Variants in CXXC4 observed in about 807,000 individuals in gnomAD.
The protein encoded by CXXC4 is CXXC-type zinc finger protein 4.
A neutral mutation model predicts 20.5 loss-of-function variants in CXXC4; 5 were observed. The observed-to-expected ratio is 0.24, with a 90% CI of 0.13 to 0.51. The LOEUF (loss-of-function observed/expected upper bound fraction) is 0.51, where lower values mean the gene tolerates loss of function less well. Among genes scored for constraint, CXXC4 ranks in the 20% least tolerant of loss-of-function variants. CXXC4 has a pLI of 0.97. For missense variants in CXXC4, 419 were observed against 496.4 expected (o/e 0.84, Z 1.48); for synonymous variants, 250 against 216.4 (o/e 1.16, Z -1.36).
Position 104,491,623 on chromosome 4 carries a change from C to A in CXXC4, c.180G>T (p.Ala60=), listed in dbSNP as rs1329888494. The change falls in exon 2 of 3, where the codon GCG becomes GCT. Residue 60 remains alanine, a synonymous_variant. Coordinates refer to ENST00000394767, the MANE Select transcript of CXXC4 (RefSeq NM_025212.4). Reference sequence around the variant, plus strand: ...GGGTGGTGATGCGCGCGATCTTGGCCGCCTGTGGGAAGGCGCCCCCGTTGG... The same window carrying A: ...GGGTGGTGATGCGCGCGATCTTGGCAGCCTGTGGGAAGGCGCCCCCGTTGG... The part of the protein sequence containing the change: ...YKTNGGAFPQ[A]AKIARITTPI... 3.2e-6 allele frequency: 5 copies of A among 1,543,242 alleles called. No homozygotes were observed. The South Asian group carries it at 4.8e-5, about 15-fold the overall frequency.
At chr4:104,477,324 C>G (rs766519160) in intron 2 of CXXC4, among the ~76,000 whole-genome samples, 2 of 151,844 alleles carry the variant, frequency 1.3e-5, no homozygotes, top group Non-Finnish European at 2.9e-5. Context: ...ACGAAGAATG[C>G]TAAAACATTG....
chr4:104,484,938 C>T (rs948864896), intron 2 of CXXC4, among the ~76,000 whole-genome samples: 2 of 151,854 alleles, frequency 1.3e-5, no homozygotes, highest in African/African-American at 2.4e-5. Flanking sequence ...ACCCTTATGC[C>T]CCTCCCCCAA....
At chr4:104,475,282 C>T (rs1186560069) in intron 2 of CXXC4, 1 of 151,894 alleles carries the variant, frequency 6.6e-6, no homozygotes, top group African/African-American at 2.4e-5. Flanking sequence ...GGGAAATCAC[C>T]AAATAAAATA....
rs569406089 is a variant in CXXC4 at position 104,478,696 on chromosome 4, G to A, written c.1060-6330C>T. 2.0e-4 allele frequency among the ~76,000 whole-genome samples: 30 copies of A among 152,010 alleles called. No individual in the cohort carries two copies. The South Asian group carries it at 5.8e-3, about 29-fold the overall frequency. ...CCCATATAAAAATAAAACATAGTAC[G>A]GTGGTACCATGGTAAGCAGAAAGAG... On this transcript the variant is annotated intron_variant, in intron 2 of 2. Transcript: ENST00000394767.
At position 104,471,304 on chromosome 4, in the gene CXXC4, T is replaced by G. The variant is rs907775472; in HGVS notation, c.*1018A>C. On this transcript the variant is annotated 3_prime_UTR_variant, in exon 3 of 3. Transcript: ENST00000394767. The stretch of plus-strand genomic sequence containing the variant: ...GGTAGTTTTTATTAAGATTTTTTCC[T>G]ACAGAAAAAATAAGAAAAAAATTAA... 1 of 151,874 alleles carries G rather than the reference T, an allele frequency of 6.6e-6. No homozygotes were observed. The highest frequency in any genetic ancestry group is 6.6e-5 in the Admixed American group (1 of 15,202). The allele number at this position is 151,874 out of a possible 1,614,324, so 9.4% of individuals were successfully genotyped here.
At chr4:104,482,073 T>C (rs1332564356) in intron 2 of CXXC4, among the ~76,000 whole-genome samples, 1 of 152,204 alleles carries the variant, frequency 6.6e-6, no homozygotes, top group Admixed American at 6.5e-5. Context: ...TTTCTTTAAG[T>C]GTACATAACT....
intron 2 of CXXC4, among the ~76,000 whole-genome samples, chr4:104,476,489 T>C (rs145777552): frequency 3.3e-5 from 5 of 152,304 alleles, no homozygotes; most frequent in African/African-American, 1.2e-4. Flanking sequence ...CATATCTAAG[T>C]ACAGTGTGTA....
At chr4:104,493,854 T>G (rs1007093895) in intron 1 of CXXC4, among the ~76,000 whole-genome samples, 4 of 152,228 alleles carry the variant, frequency 2.6e-5, no homozygotes, top group African/African-American at 9.6e-5. Flanking sequence ...TAACTGCTAC[T>G]CAGTAAAAAC....
intron 2 of CXXC4, among the ~76,000 whole-genome samples, chr4:104,474,376 T>A (rs1419844198): frequency 6.6e-6 from 1 of 152,052 alleles, no homozygotes; most frequent in East Asian, 1.9e-4. Flanking sequence ...ACACATTGAT[T>A]ACATTAATTT....
chr4:104,491,974 T>A lies in CXXC4; in HGVS notation c.-172A>T, dbSNP rs998000139. 8.9e-5 allele frequency: 37 copies of A among 416,838 alleles called. No individual in the cohort carries two copies. In the South Asian group the frequency reaches 2.0e-3, roughly 23 times the overall value. 25.8% of individuals were successfully genotyped at this position (416,838 alleles called of 1,614,324 possible). On this transcript the variant is annotated 5_prime_UTR_variant, in exon 2 of 3. Transcript: ENST00000394767. ...CGGGTGGGGAGAGCAAGGTGAGGGC[T>A]GCTTTATTCCTCTCTGGGGCTCATT...
intron 1 of CXXC4, among the ~76,000 whole-genome samples, chr4:104,493,736 G>A (rs1297858655): frequency 1.3e-5 from 2 of 152,158 alleles, no homozygotes; most frequent in Non-Finnish European, 2.9e-5. Flanking sequence ...CCCCCAAAAT[G>A]CTCTTGGCTA....
chr4:104,478,672 C>T (rs1400107096), intron 2 of CXXC4, among the ~76,000 whole-genome samples: 1 of 151,458 alleles, frequency 6.6e-6, no homozygotes, highest in East Asian at 1.9e-4. Context: ...ATGTTCTTAC[C>T]CATATAAAAA....
intron 2 of CXXC4, 51 bp from the exon 3 acceptor site, chr4:104,472,417 T>C (rs1736299418): frequency 8.7e-6 from 12 of 1,383,338 alleles, no homozygotes; most frequent in Non-Finnish European, 1.0e-5. Flanking sequence ...TATGCCAATA[T>C]AAAATTAGAT....
rs1560544374 is a variant in CXXC4 at position 104,491,171 on chromosome 4, C to G, written c.632G>C (p.Gly211Ala). The G allele has an allele frequency of 1.2e-6, 2 of 1,613,924 alleles. No individual in the cohort carries two copies. The highest frequency in any genetic ancestry group is 4.5e-5 in the East Asian group (2 of 44,822). ...LSPEHCRPLAGECMNKLKCGA... is the reference protein window; with the variant it reads ...LSPEHCRPLAAECMNKLKCGA... ...GCATTTGAGCTTGTTCATGCATTCCCCCGCCAAAGGTCTGCAGTGTTCAGG... is the reference window on the plus strand; with the variant it reads ...GCATTTGAGCTTGTTCATGCATTCCGCCGCCAAAGGTCTGCAGTGTTCAGG... Residue 211 changes from glycine to alanine, a missense_variant, in exon 2 of 3, where the codon GGG (glycine) becomes GCG (alanine). Physicochemically the swap from Gly to Ala is moderately conservative, Grantham distance 60. This residue lies in a region of CXXC4 where 388 missense variants were observed against 416.0 expected (regional missense o/e 0.93). Coordinates refer to ENST00000394767, the MANE Select transcript of CXXC4 (RefSeq NM_025212.4).
intron 2 of CXXC4, among the ~76,000 whole-genome samples, chr4:104,485,943 G>T (rs189299891): frequency 6.6e-6 from 1 of 152,082 alleles, no homozygotes; most frequent in East Asian, 1.9e-4. Context: ...AACTTGAAAA[G>T]CCACACGACT....
chr4:104,491,264 C>T lies in CXXC4; in HGVS notation c.539G>A (p.Gly180Glu). ...MHHRNDSQRL[G>E]KAGCPPEPSL... ...CGGCTCTGGCGGGCAGCCAGCTTTCCCCAGCCTCTGGGAGTCGTTTCGGTG... is the reference window on the plus strand; with the variant it reads ...CGGCTCTGGCGGGCAGCCAGCTTTCTCCAGCCTCTGGGAGTCGTTTCGGTG... Residue 180 changes from glycine to glutamate, a missense_variant, in exon 2 of 3, where the codon GGG (glycine) becomes GAG (glutamate). Physicochemically the swap from Gly to Glu is moderately conservative, Grantham distance 98. This residue lies in a region of CXXC4 where 388 missense variants were observed against 416.0 expected (regional missense o/e 0.93). Transcript: ENST00000394767. 1 of 1,612,458 alleles carries T rather than the reference C, an allele frequency of 6.2e-7. No homozygotes were observed. The highest frequency in any genetic ancestry group is 8.5e-7 in the Non-Finnish European group (1 of 1,179,744).
intron 1 of CXXC4, among the ~76,000 whole-genome samples, chr4:104,492,274 C>T (rs866016732): frequency 2.0e-5 from 3 of 147,454 alleles, no homozygotes; most frequent in South Asian, 4.5e-4. Context: ...CACAGCTCCT[C>T]CCCCCTATTC....
At chr4:104,488,494 T>C (rs1363260770) in intron 2 of CXXC4, among the ~76,000 whole-genome samples, 1 of 152,196 alleles carries the variant, frequency 6.6e-6, no homozygotes, top group Non-Finnish European at 1.5e-5. Flanking sequence ...TTTAGCCAAA[T>C]AGTATTCCGC....
At chr4:104,473,080 A>C in intron 2 of CXXC4, among the ~76,000 whole-genome samples, 1 of 151,794 alleles carries the variant, frequency 6.6e-6, no homozygotes. Flanking sequence ...ATACATATCC[A>C]ATTATGTAAA....
Sources: gnomAD v4.1 joint callset for allele counts (sites outside exome capture counted in the v4.1 genomes callset) on GRCh38, gnomAD v4.1.1 for gene constraint, gnomAD v4.1.1 regional missense constraint, MANE v1.5 for transcripts, NCBI Gene and HGNC (gene_info 2026-07-23, HGNC 2026-07-21) for gene names.